Variants in NEBL observed in about 807,000 individuals in gnomAD.
NEBL encodes LIM and SH3 protein 2.
NEBL carries 122 observed loss-of-function variants against 140.2 expected under a neutral mutation model. That is an observed-to-expected ratio of 0.87 (90% CI 0.75 to 1.01). NEBL has a LOEUF of 1.01. Ranked by LOEUF, NEBL falls within the 50% of genes least tolerant of loss-of-function variation. NEBL has a pLI of 0.00. For synonymous variants in NEBL, 436 were observed against 398.9 expected, an observed-to-expected ratio of 1.09 and a Z score of -1.11; for missense variants, 1,365 against 1,231.3, an observed-to-expected ratio of 1.11 and a Z score of -1.62.
intron 26 of NEBL, among the ~76,000 whole-genome samples, chr10:20,800,181 C>T (rs1836979873): frequency 6.8e-6 from 1 of 146,028 alleles, no homozygotes; most frequent in South Asian, 2.2e-4. Context: ...GTAAATTTGA[C>T]CTTTCTTTTT....
At chr10:21,067,241 G>T (rs1356690604) in intron 2 of NEBL, among the ~76,000 whole-genome samples, 1 of 152,068 alleles carries the variant, frequency 6.6e-6, no homozygotes, top group Admixed American at 6.6e-5. Flanking sequence ...AAAGTGCTGA[G>T]ATTACAGGTG....
At chr10:21,205,619 A>G (rs887322735) in intron 3 of NEBL, among the ~76,000 whole-genome samples, 5 of 152,222 alleles carry the variant, frequency 3.3e-5, no homozygotes, top group Non-Finnish European at 4.4e-5. Flanking sequence ...GAAAGAATAT[A>G]TACCAATATA....
At chr10:20,957,715 AT>A (rs774932148) in intron 4 of NEBL, among the ~76,000 whole-genome samples, 13 of 152,200 alleles carry the variant, frequency 8.5e-5, no homozygotes, top group Admixed American at 1.3e-4. Flanking sequence ...GACAAATCAA[AT>A]AATGGTACAC....
intron 1 of NEBL, among the ~76,000 whole-genome samples, chr10:21,277,305 T>C (rs1053346904): frequency 1.3e-5 from 2 of 149,732 alleles, no homozygotes; most frequent in Non-Finnish European, 3.0e-5. Flanking sequence ...ACCTCCTAGG[T>C]TCAAGCGATT....
intron 2 of NEBL, among the ~76,000 whole-genome samples, chr10:21,157,384 A>G (rs1318869616): frequency 6.6e-6 from 1 of 152,170 alleles, no homozygotes; most frequent in Non-Finnish European, 1.5e-5. Context: ...AGCCTGGGCA[A>G]CATGGTGAAA....
chr10:20,901,449 C>T (rs1270688635), upstream of NEBL, among the ~76,000 whole-genome samples: 4 of 152,074 alleles, frequency 2.6e-5, no homozygotes, highest in East Asian at 1.9e-4. Context: ...CTGTTTCACA[C>T]TTATTTCACT....
intron 2 of NEBL, among the ~76,000 whole-genome samples, chr10:21,023,323 C>T (rs1448453228): frequency 6.6e-6 from 1 of 152,150 alleles, no homozygotes; most frequent in Non-Finnish European, 1.5e-5. Context: ...GAGAGATCCC[C>T]TTCATACTAA....
At chr10:20,840,986 T>C (rs1413791484) in intron 12 of NEBL, 137 bp from the exon 13 acceptor site, 1 of 651,244 alleles carries the variant, frequency 1.5e-6, no homozygotes, top group Admixed American at 2.5e-5. Context: ...TAAGTATTCA[T>C]GCTTTTTTCC....
chr10:21,029,763 G>T, intron 2 of NEBL: 1 of 780,238 alleles, frequency 1.3e-6, no homozygotes, highest in Non-Finnish European at 2.3e-6. Context: ...ATGGCTGGCG[G>T]TAGGGATCGC....
chr10:21,200,344 C>T lies in NEBL; in HGVS notation n.349-27867G>A, dbSNP rs927769576. 2.7e-5 allele frequency among the ~76,000 whole-genome samples: 3 copies of T among 109,838 alleles called. No individual in the cohort carries two copies. The Admixed American group carries it at 4.2e-4, about 16-fold the overall frequency. The allele number at this position is 109,838 out of a possible 152,430, so 72.1% of individuals were successfully genotyped here. On this transcript the variant is annotated intron_variant and non_coding_transcript_variant, in intron 3 of 8. Coordinates refer to the NEBL transcript ENST00000675702. Reference sequence around the variant, plus strand: ...TTTTTTTTTTTTTGAGATGGAGTCTCGCTCTGTCTTCCAGGCTGGAGTACA... The same window carrying T: ...TTTTTTTTTTTTTGAGATGGAGTCTTGCTCTGTCTTCCAGGCTGGAGTACA...
At chr10:20,859,894 A>G in intron 7 of NEBL, 68 bp from the exon 8 acceptor site, 2 of 758,576 alleles carry the variant, frequency 2.6e-6, no homozygotes. Context: ...TTTCACGTAG[A>G]TAAAATAAAA....
chr10:21,276,251 C>T (rs1026038377), intron 1 of NEBL, among the ~76,000 whole-genome samples: 8 of 151,812 alleles, frequency 5.3e-5, no homozygotes, highest in African/African-American at 1.7e-4. Context: ...GGATTACAGG[C>T]GTGAGCCACC....
At chr10:20,817,380 GAA>G (rs993884665) in intron 21 of NEBL, among the ~76,000 whole-genome samples, 10 of 151,946 alleles carry the variant, frequency 6.6e-5, no homozygotes, top group African/African-American at 2.4e-4. Context: ...AAAACAAAAA[GAA>G]AAAAGTCATC....
At chr10:21,131,697 A>G (rs151046826) in intron 2 of NEBL, among the ~76,000 whole-genome samples, 233 of 123,970 alleles carry the variant, frequency 1.9e-3, no homozygotes, top group African/African-American at 5.4e-3. Context: ...CTGCTTCAAG[A>G]TTGAAACAGA....
At chr10:20,883,465 G>A (rs1846201529) in intron 4 of NEBL, among the ~76,000 whole-genome samples, 1 of 152,166 alleles carries the variant, frequency 6.6e-6, no homozygotes, top group African/African-American at 2.4e-5. Context: ...AACCCTTTAA[G>A]AACCTCCATT....
intron 2 of NEBL, among the ~76,000 whole-genome samples, chr10:21,162,563 T>G (rs773332868): frequency 3.7e-4 from 56 of 152,182 alleles, no homozygotes; most frequent in Admixed American, 2.1e-3. Context: ...CTTTAAAAAG[T>G]AAAGTAGTCC....
intron 3 of NEBL, among the ~76,000 whole-genome samples, chr10:21,184,621 G>A (rs551519094): frequency 6.6e-6 from 1 of 152,224 alleles, no homozygotes; most frequent in Non-Finnish European, 1.5e-5. Flanking sequence ...GCTGCTAGGG[G>A]AACTTCATCC....
At chr10:20,828,723 A>G (rs896494966) in intron 16 of NEBL, 89 bp from the exon 17 acceptor site, 5 of 769,120 alleles carry the variant, frequency 6.5e-6, no homozygotes, top group African/African-American at 1.7e-5. Flanking sequence ...GGAGGAAGGG[A>G]GAGAGAGAGA....
intron 3 of NEBL, among the ~76,000 whole-genome samples, chr10:20,975,170 T>G (rs950379812): frequency 6.6e-6 from 1 of 152,190 alleles, no homozygotes. Context: ...GAGCCTATCA[T>G]ATTGTTTTCT....
Sources: allele counts gnomAD v4.1 joint callset (sites outside exome capture counted in the v4.1 genomes callset), GRCh38; gene constraint gnomAD v4.1.1; transcripts MANE v1.5; gene names NCBI Gene and HGNC (gene_info 2026-07-23, HGNC 2026-07-21).